Variants in ACVR1 observed in about 807,000 individuals in gnomAD.
ACVR1 encodes the protein activin A receptor type 1, also known as activin receptor type-1.
In ACVR1, 38 loss-of-function variants were observed where a neutral mutation model predicts 57.1. That is an observed-to-expected ratio of 0.67 (90% CI 0.51 to 0.87). The LOEUF is 0.87. Ranked by LOEUF, ACVR1 falls within the 40% of genes least tolerant of loss-of-function variation. The pLI is 0.00. For synonymous variants in ACVR1, 212 were observed against 228.1 expected (o/e 0.93, Z 0.63); for missense variants, 463 against 638.2 (o/e 0.73, Z 2.96).
intron 9 of ACVR1, among the ~76,000 whole-genome samples, chr2:157,740,931 T>C (rs1684733374): frequency 1.3e-5 from 2 of 152,234 alleles, no homozygotes; most frequent in African/African-American, 4.8e-5. Flanking sequence ...TGTTTTCACC[T>C]GACGCTGGCC....
chr2:157,865,837 T>C (rs1339820435), intron 1 of ACVR1, among the ~76,000 whole-genome samples: 3 of 146,148 alleles, frequency 2.1e-5, no homozygotes, highest in Admixed American at 1.4e-4. Context: ...GATAGATAGA[T>C]AGATAGATAG....
intron 1 of ACVR1, among the ~76,000 whole-genome samples, chr2:157,838,753 T>C (rs554983915): frequency 6.6e-6 from 1 of 152,316 alleles, no homozygotes; most frequent in East Asian, 1.9e-4. Flanking sequence ...GCTTGCTGCA[T>C]GGCTCTTCCA....
At chr2:157,845,087 T>C (rs1412975978) in intron 1 of ACVR1, among the ~76,000 whole-genome samples, 2 of 152,204 alleles carry the variant, frequency 1.3e-5, no homozygotes, top group Non-Finnish European at 2.9e-5. Context: ...AGGTGAGAAT[T>C]ATCCAAAAAT....
intron 1 of ACVR1, among the ~76,000 whole-genome samples, chr2:157,824,859 C>T (rs1228599627): frequency 2.6e-5 from 4 of 151,988 alleles, no homozygotes; most frequent in African/African-American, 9.7e-5. Flanking sequence ...GTTCAAGTGA[C>T]TCTCCTGCCT....
intron 3 of ACVR1, among the ~76,000 whole-genome samples, chr2:157,792,294 G>A (rs575534085): frequency 2.7e-4 from 41 of 152,142 alleles, no homozygotes; most frequent in Non-Finnish European, 5.0e-4. Context: ...CAAAGAATTA[G>A]ATGTAGCATT....
chr2:157,866,229 T>C (rs1689926676), intron 1 of ACVR1, among the ~76,000 whole-genome samples: 1 of 152,156 alleles, frequency 6.6e-6, no homozygotes. Context: ...CAAGCCTCTA[T>C]GAGAACAAAA....
chr2:157,832,914 T>A (rs1349127916), intron 1 of ACVR1, among the ~76,000 whole-genome samples: 1 of 152,186 alleles, frequency 6.6e-6, no homozygotes, highest in Non-Finnish European at 1.5e-5. Flanking sequence ...ATACAATCTA[T>A]ATTTATCAAT....
chr2:157,791,951 A>AT (rs967760253), intron 3 of ACVR1, among the ~76,000 whole-genome samples: 1 of 151,990 alleles, frequency 6.6e-6, no homozygotes, highest in Non-Finnish European at 1.5e-5. Flanking sequence ...ACTGTTGGTA[A>AT]TTTTTTTTCT....
chr2:157,829,265 A>C (rs1688501825), intron 1 of ACVR1, among the ~76,000 whole-genome samples: 1 of 152,160 alleles, frequency 6.6e-6, no homozygotes. Context: ...CAAATCTACT[A>C]ATCTTTCTTT....
At chr2:157,863,987 G>A (rs1689827344) in intron 1 of ACVR1, among the ~76,000 whole-genome samples, 1 of 150,272 alleles carries the variant, frequency 6.7e-6, no homozygotes, top group Non-Finnish European at 1.5e-5. Context: ...AGCCTCCCGA[G>A]TAGCTGGGAC....
chr2:157,854,223 A>AT (rs1359388934), intron 1 of ACVR1, among the ~76,000 whole-genome samples: 6 of 150,730 alleles, frequency 4.0e-5, no homozygotes, highest in East Asian at 1.9e-4. Flanking sequence ...AAAAAGAAGC[A>AT]TTTTTTTCTT....
At chr2:157,744,798 T>C (rs1267141856) in intron 9 of ACVR1, among the ~76,000 whole-genome samples, 1 of 152,212 alleles carries the variant, frequency 6.6e-6, no homozygotes, top group Non-Finnish European at 1.5e-5. Context: ...AATGAATAAA[T>C]GGATGAGGCT....
intron 1 of ACVR1, among the ~76,000 whole-genome samples, chr2:157,845,629 G>A (rs1288999381): frequency 6.6e-6 from 1 of 150,926 alleles, no homozygotes; most frequent in Admixed American, 6.6e-5. Flanking sequence ...AGCTAATACA[G>A]ATGGTGAGGG....
At chr2:157,800,461 C>T (rs796964832) in intron 2 of ACVR1, among the ~76,000 whole-genome samples, 3 of 148,822 alleles carry the variant, frequency 2.0e-5, no homozygotes, top group African/African-American at 7.4e-5. Flanking sequence ...GACCCCATCT[C>T]TATTTGTTTT....
rs1185898196 is a variant in ACVR1 at position 157,876,278 on chromosome 2, G to C, written c.-665C>G. Among the ~76,000 whole-genome samples, 1 of 148,374 alleles carries C rather than the reference G, an allele frequency of 6.7e-6. No individual in the cohort carries two copies. The highest frequency in any genetic ancestry group is 2.0e-4 in the East Asian group (1 of 4,890). On this transcript the variant is annotated 5_prime_UTR_variant, in exon 1 of 11. Transcript: ENST00000434821. Reference sequence around the variant, plus strand: ...GGAGACCGTCACAGAGAGTAGAAAAGTTCCCCCTGCGCCGAGGGGGAGGCT... The same window carrying C: ...GGAGACCGTCACAGAGAGTAGAAAACTTCCCCCTGCGCCGAGGGGGAGGCT...
intron 2 of ACVR1, among the ~76,000 whole-genome samples, chr2:157,801,140 T>C (rs1275893237): frequency 6.6e-6 from 1 of 152,236 alleles, no homozygotes; most frequent in African/African-American, 2.4e-5. Context: ...TTCATAAGAA[T>C]GTTTTAATCT....
intron 3 of ACVR1, among the ~76,000 whole-genome samples, chr2:157,784,251 T>C (rs1686630560): frequency 6.6e-6 from 1 of 152,028 alleles, no homozygotes. Flanking sequence ...CAGGTATGGG[T>C]GTGTGGACTC....
At chr2:157,743,002 A>G (rs1684837625) in intron 9 of ACVR1, among the ~76,000 whole-genome samples, 1 of 151,250 alleles carries the variant, frequency 6.6e-6, no homozygotes. Flanking sequence ...ATGGGAGCCC[A>G]CTCCCTCCCC....
intron 9 of ACVR1, 107 bp downstream of exon 9, chr2:157,760,773 C>T (rs924917553): frequency 2.6e-5 from 29 of 1,130,716 alleles, no homozygotes; most frequent in African/African-American, 2.0e-4. Context: ...TCGACACGTA[C>T]GATTCAAAGA....
Sources: allele counts gnomAD v4.1 joint callset (sites outside exome capture counted in the v4.1 genomes callset), GRCh38; gene constraint gnomAD v4.1.1; transcripts MANE v1.5; gene names NCBI Gene and HGNC (gene_info 2026-07-23, HGNC 2026-07-21).